The following DYM variants were observed in gnomAD, a reference collection of about 807,000 sequenced individuals.
DYM encodes the protein dyggve-Melchior-Clausen syndrome protein.
A neutral mutation model predicts 93.1 loss-of-function variants in DYM; 78 were observed. That is an observed-to-expected ratio of 0.84 (90% CI 0.70 to 1.01). The LOEUF (loss-of-function observed/expected upper bound fraction) is 1.01, where lower values mean the gene tolerates loss of function less well. DYM is among the 50% of genes least tolerant of loss of function. DYM has a pLI of 0.00. For synonymous variants in DYM, 321 were observed against 319.7 expected, an observed-to-expected ratio of 1.00 and a Z score of -0.04; for missense variants, 789 against 845.0, an observed-to-expected ratio of 0.93 and a Z score of 0.82.
chr18:49,063,621 T>C (rs112003013), intron 17 of DYM, among the ~76,000 whole-genome samples: 443 of 15,278 alleles, frequency 0.029, 1 homozygote, highest in Middle Eastern at 0.083. Context: ...TTCTCTCTCT[T>C]TTTTTTTTTT....
intron 17 of DYM, among the ~76,000 whole-genome samples, chr18:49,083,493 G>C (rs2078233907): frequency 6.6e-6 from 1 of 152,078 alleles, no homozygotes; most frequent in African/African-American, 2.4e-5. Context: ...GTCTGATTTT[G>C]TTATCAAGGT....
intron 14 of DYM, among the ~76,000 whole-genome samples, chr18:49,164,381 A>G (rs1262351391): frequency 6.6e-6 from 1 of 152,210 alleles, no homozygotes; most frequent in Non-Finnish European, 1.5e-5. Flanking sequence ...GTAACACAAC[A>G]TGTGAAGTAA....
chr18:49,080,594 C>T, intron 17 of DYM, among the ~76,000 whole-genome samples: 1 of 139,786 alleles, frequency 7.2e-6, no homozygotes, highest in East Asian at 2.3e-4. Flanking sequence ...CGGGGGCTGA[C>T]CCCCCCACCT....
chr18:49,408,474 T>C (rs1420961043), intron 2 of DYM, among the ~76,000 whole-genome samples: 1 of 152,230 alleles, frequency 6.6e-6, no homozygotes, highest in Non-Finnish European at 1.5e-5. Flanking sequence ...AACACTTCTG[T>C]TCTGATGAAT....
At chr18:49,159,804 T>C (rs770667561) in intron 15 of DYM, among the ~76,000 whole-genome samples, 1 of 152,204 alleles carries the variant, frequency 6.6e-6, no homozygotes, top group Non-Finnish European at 1.5e-5. Flanking sequence ...TGGTTCCTTA[T>C]GGTTGCAACT....
intron 16 of DYM, among the ~76,000 whole-genome samples, chr18:49,103,460 T>C (rs191241699): frequency 1.1e-3 from 174 of 152,346 alleles, no homozygotes; most frequent in African/African-American, 3.9e-3. Context: ...CCATTGCTTT[T>C]GGTGTTTTAG....
intron 15 of DYM, among the ~76,000 whole-genome samples, chr18:49,124,294 C>T (rs1415794298): frequency 6.6e-6 from 1 of 151,886 alleles, no homozygotes; most frequent in Non-Finnish European, 1.5e-5. Context: ...CACTTGAGGC[C>T]AGGAGTCAAA....
At position 49,316,445 on chromosome 18, in the gene DYM, A is replaced by T. The variant is rs184657267; in HGVS notation, c.763+15419T>A. Among the ~76,000 whole-genome samples the T allele has an allele frequency of 3.3e-4, 51 of 152,358 alleles. 1 individual carries two copies. Among genetic ancestry groups the T allele is most frequent in the African/African-American group, 1.2e-3 (50 of 41,580 alleles). ...CTAATATATCTGAAAAAACTTCCAA[A>T]TTATAGAAGAAAAACATCACGTAAA... On this transcript the variant is annotated intron_variant, in intron 8 of 17. Coordinates refer to ENST00000675505, the MANE Select transcript of DYM (RefSeq NM_001353214.3).
At chr18:49,391,310 C>G in intron 3 of DYM, 1 of 370,214 alleles carries the variant, frequency 2.7e-6, no homozygotes. Flanking sequence ...TGGTAAATCA[C>G]ATTATTTTCA....
intron 13 of DYM, among the ~76,000 whole-genome samples, chr18:49,239,016 C>A (rs942106196): frequency 1.3e-5 from 2 of 152,150 alleles, no homozygotes; most frequent in Non-Finnish European, 2.9e-5. Flanking sequence ...CACAGCCCTA[C>A]ATTTTCTCAG....
rs189914812 is a variant in DYM, at chr18:49,342,608, G to T, written c.495-8755C>A. ...TTATACTATCTGCCAGATTAGGAGG[G>T]GAGGTGAGGATAATAAAAATATAGT... On this transcript the variant is annotated intron_variant, in intron 6 of 17. Transcript: ENST00000675505. Among the ~76,000 whole-genome samples the T allele has an allele frequency of 9.9e-4, 150 of 152,276 alleles. 1 individual carries two copies. The highest frequency in any genetic ancestry group is 4.0e-4 in the Non-Finnish European group (27 of 68,026).
rs1424527664 is a variant in DYM, at chr18:49,292,603, A to C, written c.764-5987T>G. Among the ~76,000 whole-genome samples the C allele has an allele frequency of 2.9e-4, 19 of 66,254 alleles. No individual in the cohort carries two copies. The East Asian group carries it at 3.3e-3, about 12-fold the overall frequency. 43.5% of individuals were successfully genotyped at this position (66,254 alleles called of 152,430 possible). ...GCATTTTCCTGTTGGAAAAAAAAAA[A>C]AAAAAAAAAAAAAAAAAAAAAACCC... On this transcript the variant is annotated intron_variant, in intron 8 of 17. Transcript: ENST00000675505.
At chr18:49,073,714 C>T (rs113743659) in intron 17 of DYM, among the ~76,000 whole-genome samples, 2,758 of 152,290 alleles carry the variant, frequency 0.018, 79 homozygotes, top group African/African-American at 0.058. Flanking sequence ...TTTCACCCAC[C>T]GATAATAACC....
chr18:49,221,677 G>A (rs1475312278), intron 13 of DYM, among the ~76,000 whole-genome samples: 3 of 152,122 alleles, frequency 2.0e-5, no homozygotes, highest in African/African-American at 7.2e-5. Flanking sequence ...AACACCGCAT[G>A]TTCTCACTCA....
intron 16 of DYM, among the ~76,000 whole-genome samples, chr18:49,112,426 C>G (rs34641604): frequency 0.14 from 21,812 of 152,100 alleles, 2,089 homozygotes; most frequent in East Asian, 0.39. Flanking sequence ...TGGCTACCTA[C>G]CCCTGTGCTC....
intron 15 of DYM, among the ~76,000 whole-genome samples, chr18:49,120,105 GAAAAGA>G (rs1568453039): frequency 7.2e-6 from 1 of 139,788 alleles, no homozygotes; most frequent in Non-Finnish European, 1.6e-5. Flanking sequence ...AGAAAAAAAA[GAAAAGA>G]AAAAGAAAAA....
intron 16 of DYM, among the ~76,000 whole-genome samples, chr18:49,110,212 GAA>G (rs2081265990): frequency 6.6e-6 from 1 of 152,164 alleles, no homozygotes; most frequent in African/African-American, 2.4e-5. Flanking sequence ...CTCACTTACA[GAA>G]AAAGTTTGAG....
At chr18:49,075,184 T>TA (rs1278964924) in intron 17 of DYM, among the ~76,000 whole-genome samples, 1 of 152,152 alleles carries the variant, frequency 6.6e-6, no homozygotes, top group Non-Finnish European at 1.5e-5. Flanking sequence ...CTCAAGTACT[T>TA]ATGATGATGA....
chr18:49,200,363 T>C (rs1165614625), intron 14 of DYM, among the ~76,000 whole-genome samples: 1 of 152,020 alleles, frequency 6.6e-6, no homozygotes. Flanking sequence ...ACATACATAA[T>C]TTTTATGTAG....
Sources: allele counts gnomAD v4.1 joint callset (sites outside exome capture counted in the v4.1 genomes callset), GRCh38; gene constraint gnomAD v4.1.1; transcripts MANE v1.5; gene names NCBI Gene and HGNC (gene_info 2026-07-23, HGNC 2026-07-21).